The following CFAP299 variants were observed in gnomAD, a reference collection of about 807,000 sequenced individuals.
The protein encoded by CFAP299 is cilia and flagella associated protein 299, also known as cilia- and flagella-associated protein 299.
CFAP299 carries 21 observed loss-of-function variants against 27.0 expected under a neutral mutation model. That is an observed-to-expected ratio of 0.78 (90% CI 0.55 to 1.12). The LOEUF (loss-of-function observed/expected upper bound fraction) is 1.12, where lower values mean the gene tolerates loss of function less well. Among genes scored for constraint, CFAP299 ranks in the 50% most tolerant of loss-of-function variants. CFAP299 has a pLI of 0.00. For missense variants in CFAP299, 310 were observed against 276.6 expected, an observed-to-expected ratio of 1.12 and a Z score of -0.86; for synonymous variants, 104 against 98.1, an observed-to-expected ratio of 1.06 and a Z score of -0.36.
chr4:80,366,208 A>G (rs752108030), intron 2 of CFAP299, among the ~76,000 whole-genome samples: 6 of 152,204 alleles, frequency 3.9e-5, no homozygotes, highest in Non-Finnish European at 5.9e-5. Context: ...GCCAGCTGGC[A>G]ACTTGGAAAC....
At chr4:80,879,615 C>T (rs891703679) in intron 4 of CFAP299, among the ~76,000 whole-genome samples, 1 of 151,998 alleles carries the variant, frequency 6.6e-6, no homozygotes, top group African/African-American at 2.4e-5. Flanking sequence ...TACTTTCAAT[C>T]GAAATTTATG....
chr4:80,889,453 C>G (rs183934747), intron 4 of CFAP299, among the ~76,000 whole-genome samples: 1 of 151,610 alleles, frequency 6.6e-6, no homozygotes, highest in African/African-American at 2.4e-5. Context: ...CTCAATAGAC[C>G]GATAATAAGT....
intron 5 of CFAP299, among the ~76,000 whole-genome samples, chr4:80,946,072 G>A (rs1393007543): frequency 6.8e-6 from 1 of 146,704 alleles, no homozygotes; most frequent in Non-Finnish European, 1.5e-5. Context: ...AGAATGGCTT[G>A]AACCTGAGAG....
At chr4:80,924,538 GTATATA>G (rs1553906748) in intron 4 of CFAP299, among the ~76,000 whole-genome samples, 153 of 131,686 alleles carry the variant, frequency 1.2e-3, no homozygotes, top group Middle Eastern at 3.9e-3. Context: ...GTGTGTGTGT[GTATATA>G]TATATATATA....
chr4:80,635,200 A>T (rs1739417289), intron 3 of CFAP299, among the ~76,000 whole-genome samples: 1 of 152,146 alleles, frequency 6.6e-6, no homozygotes, highest in Non-Finnish European at 1.5e-5. Context: ...ATTTTCATTT[A>T]TGACATTTCA....
At position 80,387,853 on chromosome 4, in the gene CFAP299, C is replaced by CGTGGG. The variant is rs1196967490; in HGVS notation, c.242+24972_242+24976dup. 138 of 1,320,722 alleles carry CGTGGG rather than the reference C, an allele frequency of 1.0e-4. 1 individual carries two copies. Among genetic ancestry groups the CGTGGG allele is most frequent in the Non-Finnish European group, 1.4e-4 (131 of 915,218 alleles). 81.8% of individuals were successfully genotyped at this position (1,320,722 alleles called of 1,614,324 possible). A position where few individuals can be genotyped will look rare whatever the true frequency, so the allele number is the denominator to read the frequency against. ...CAGGAGTCCCCTGGTACCTTTAGCCCGTGGGGTCTTCAGCATTGGTGGAGA... is the reference window on the plus strand; with the variant it reads ...CAGGAGTCCCCTGGTACCTTTAGCCCGTGGGGTGGGGTCTTCAGCATTGGTGGAGA... On this transcript the variant is annotated intron_variant, in intron 2 of 5. Coordinates refer to ENST00000358105, the MANE Select transcript of CFAP299 (RefSeq NM_152770.3).
intron 1 of CFAP299, among the ~76,000 whole-genome samples, chr4:80,354,282 T>G (rs1243128064): frequency 1.3e-5 from 2 of 152,202 alleles, no homozygotes; most frequent in Non-Finnish European, 2.9e-5. Flanking sequence ...ACAATATCTG[T>G]CCTTACAAAT....
intron 2 of CFAP299, among the ~76,000 whole-genome samples, chr4:80,507,718 A>G (rs1242380469): frequency 6.6e-6 from 1 of 151,986 alleles, no homozygotes; most frequent in Non-Finnish European, 1.5e-5. Context: ...TTCCTTTTCC[A>G]CAAGCCCCCA....
intron 3 of CFAP299, among the ~76,000 whole-genome samples, chr4:80,669,478 G>T (rs1332181093): frequency 6.6e-6 from 1 of 150,740 alleles, no homozygotes; most frequent in Non-Finnish European, 1.5e-5. Flanking sequence ...TTTTCAGATT[G>T]TTTGCTATTG....
chr4:80,507,098 C>T (rs1732072546), intron 2 of CFAP299, among the ~76,000 whole-genome samples: 1 of 152,120 alleles, frequency 6.6e-6, no homozygotes, highest in South Asian at 2.1e-4. Context: ...TTATTTACAG[C>T]CCTAGAAATG....
At chr4:80,734,548 A>G (rs1723744049) in intron 3 of CFAP299, among the ~76,000 whole-genome samples, 2 of 152,066 alleles carry the variant, frequency 1.3e-5, no homozygotes, top group African/African-American at 4.8e-5. Flanking sequence ...GCCCAGACCA[A>G]TGTCTTGGAG....
chr4:80,779,831 C>G (rs556962116), intron 3 of CFAP299, among the ~76,000 whole-genome samples: 52 of 152,074 alleles, frequency 3.4e-4, no homozygotes, highest in Admixed American at 8.5e-4. Flanking sequence ...CTTATTTGTA[C>G]ATAAAATGAT....
intron 2 of CFAP299, among the ~76,000 whole-genome samples, chr4:80,514,397 T>C (rs1456258481): frequency 2.0e-5 from 3 of 152,078 alleles, no homozygotes; most frequent in African/African-American, 4.8e-5. Context: ...ACTTTAAATG[T>C]CCATAATAGC....
At chr4:80,772,203 T>A (rs1485733077) in intron 3 of CFAP299, among the ~76,000 whole-genome samples, 1 of 152,158 alleles carries the variant, frequency 6.6e-6, no homozygotes, top group Non-Finnish European at 1.5e-5. Flanking sequence ...AGATTAGTGG[T>A]CAATAAGAGA....
At chr4:80,365,586 C>T (rs546747345) in intron 2 of CFAP299, among the ~76,000 whole-genome samples, 1 of 152,276 alleles carries the variant, frequency 6.6e-6, no homozygotes, top group Admixed American at 6.5e-5. Flanking sequence ...AACTTCTATT[C>T]TTGGAAAATT....
chr4:80,580,903 T>C (rs992252840), intron 2 of CFAP299, among the ~76,000 whole-genome samples: 2 of 151,990 alleles, frequency 1.3e-5, no homozygotes, highest in African/African-American at 4.8e-5. Flanking sequence ...CTCTGCACAA[T>C]AACAAAAGAT....
chr4:80,799,288 T>G (rs1301366857), intron 3 of CFAP299, among the ~76,000 whole-genome samples: 1 of 109,340 alleles, frequency 9.1e-6, no homozygotes, highest in Non-Finnish European at 1.7e-5. Context: ...ATATATTGTA[T>G]AAATATATTT....
chr4:80,720,920 T>C (rs1156824499), intron 3 of CFAP299, among the ~76,000 whole-genome samples: 11 of 152,100 alleles, frequency 7.2e-5, no homozygotes, highest in Admixed American at 7.2e-4. Flanking sequence ...TTGGAAGATA[T>C]TTTTTAAATG....
At chr4:80,531,109 G>A (rs990943618) in intron 2 of CFAP299, among the ~76,000 whole-genome samples, 2 of 152,170 alleles carry the variant, frequency 1.3e-5, no homozygotes, top group African/African-American at 4.8e-5. Context: ...TCAATTAAAA[G>A]ACTAGTTTTA....
Sources: gnomAD v4.1 joint callset for allele counts (sites outside exome capture counted in the v4.1 genomes callset) on GRCh38, gnomAD v4.1.1 for gene constraint, MANE v1.5 for transcripts, NCBI Gene and HGNC (gene_info 2026-07-23, HGNC 2026-07-21) for gene names.